Variants in NRXN1 observed in about 807,000 individuals in gnomAD.
NRXN1 encodes the protein neurexin-1.
In NRXN1, 39 loss-of-function variants were observed where a neutral mutation model predicts 150.9. That is an observed-to-expected ratio of 0.26 (90% confidence interval 0.20 to 0.34). NRXN1 has a LOEUF of 0.34. Among genes scored for constraint, NRXN1 ranks in the 10% least tolerant of loss-of-function variants. The probability of loss-of-function intolerance (pLI) is 1.00; values close to 1 mark genes in which losing one functional copy is unlikely to be tolerated. For synonymous variants in NRXN1, 924 were observed against 757.0 expected, an observed-to-expected ratio of 1.22 and a Z score of -3.62; for missense variants, 1,815 against 1,949.9, an observed-to-expected ratio of 0.93 and a Z score of 1.30.
intron 17 of NRXN1, among the ~76,000 whole-genome samples, chr2:50,336,474 T>C (rs1160164886): frequency 6.6e-6 from 1 of 152,214 alleles, no homozygotes; most frequent in African/African-American, 2.4e-5. Context: ...CTCAAATAAG[T>C]TTATTAATTG....
At chr2:50,719,028 T>C (rs1401978419) in intron 5 of NRXN1, among the ~76,000 whole-genome samples, 1 of 150,378 alleles carries the variant, frequency 6.6e-6, no homozygotes, top group Non-Finnish European at 1.5e-5. Flanking sequence ...AAATACATAA[T>C]ATAAAAGTAA....
chr2:50,217,242 C>T (rs2063464297), intron 18 of NRXN1, among the ~76,000 whole-genome samples: 1 of 152,072 alleles, frequency 6.6e-6, no homozygotes, highest in East Asian at 1.9e-4. Context: ...ATAAAATTTG[C>T]TATTATTAAG....
At chr2:50,721,147 C>A (rs1289789581) in intron 5 of NRXN1, among the ~76,000 whole-genome samples, 1 of 152,112 alleles carries the variant, frequency 6.6e-6, no homozygotes, top group Non-Finnish European at 1.5e-5. Flanking sequence ...GGAGTGGACT[C>A]TTCGGCTTCC....
intron 5 of NRXN1, among the ~76,000 whole-genome samples, chr2:50,830,922 C>T (rs908173991): frequency 2.6e-5 from 4 of 151,838 alleles, no homozygotes; most frequent in African/African-American, 9.7e-5. Flanking sequence ...CGTAGCAGCG[C>T]TATTTATTTG....
intron 17 of NRXN1, among the ~76,000 whole-genome samples, chr2:50,269,073 G>A (rs2069245243): frequency 6.6e-6 from 1 of 151,958 alleles, no homozygotes; most frequent in African/African-American, 2.4e-5. Flanking sequence ...GCCAACTAGT[G>A]CAGAACCCTC....
intron 5 of NRXN1, among the ~76,000 whole-genome samples, chr2:50,695,051 T>C (rs1692619286): frequency 6.6e-6 from 1 of 152,134 alleles, no homozygotes; most frequent in African/African-American, 2.4e-5. Flanking sequence ...TCCAGTTTCC[T>C]AGGCTTAATT....
intron 2 of NRXN1, among the ~76,000 whole-genome samples, chr2:51,006,810 A>T (rs906406064): frequency 6.6e-6 from 1 of 151,804 alleles, no homozygotes; most frequent in South Asian, 2.1e-4. Flanking sequence ...TCTTCTCCCT[A>T]TGTTCCCTTA....
At chr2:50,941,119 CTT>C (rs1268406927) in intron 2 of NRXN1, among the ~76,000 whole-genome samples, 1 of 152,100 alleles carries the variant, frequency 6.6e-6, no homozygotes, top group African/African-American at 2.4e-5. Flanking sequence ...CTCTCTCTCT[CTT>C]CTGCCATCAT....
At chr2:49,925,528 A>C (rs1668960680) in intron 22 of NRXN1, among the ~76,000 whole-genome samples, 1 of 152,122 alleles carries the variant, frequency 6.6e-6, no homozygotes, top group Non-Finnish European at 1.5e-5. Context: ...TAATTTGTTC[A>C]AAATTTATAT....
intron 18 of NRXN1, among the ~76,000 whole-genome samples, chr2:50,159,879 C>T (rs1214259278): frequency 6.6e-6 from 1 of 151,948 alleles, no homozygotes; most frequent in African/African-American, 2.4e-5. Context: ...CATAATTATG[C>T]TGTGGAAGAA....
intron 2 of NRXN1, among the ~76,000 whole-genome samples, chr2:50,951,332 G>T (rs77523081): frequency 6.6e-6 from 1 of 152,212 alleles, no homozygotes; most frequent in African/African-American, 2.4e-5. Flanking sequence ...GTGGGTAGGG[G>T]TTGGGGTACT....
chr2:50,482,586 T>C (rs13409894), intron 15 of NRXN1, among the ~76,000 whole-genome samples: 8,347 of 152,208 alleles, frequency 0.055, 800 homozygotes, highest in African/African-American at 0.19. Flanking sequence ...TGCTGTACCT[T>C]ACACATGCAT....
In NRXN1 at chr2:50,647,208, T is replaced by C. The variant is rs1193715623; in HGVS notation, c.833-23593A>G. On this transcript the variant is annotated intron_variant, in intron 5 of 22. Transcript: ENST00000401669. ...CTTGAAGAAGAAAAAAAGCGGAAAC[T>C]TACAGATAGTAGGCCCAGGGAAAAT... 2.0e-5 allele frequency among the ~76,000 whole-genome samples: 3 copies of C among 151,956 alleles called. No individual in the cohort carries two copies. In the East Asian group the frequency reaches 5.8e-4, roughly 30 times the overall value.
At chr2:50,606,989 C>G (rs970718005) in intron 8 of NRXN1, among the ~76,000 whole-genome samples, 1 of 151,908 alleles carries the variant, frequency 6.6e-6, no homozygotes, top group South Asian at 2.1e-4. Flanking sequence ...TCTGGGTGGA[C>G]AGTAGGGGTG....
chr2:50,886,923 A>G (rs1387567195), intron 5 of NRXN1, among the ~76,000 whole-genome samples: 1 of 151,436 alleles, frequency 6.6e-6, no homozygotes, highest in Admixed American at 6.6e-5. Flanking sequence ...TAAGCACATC[A>G]CTGGCCTTAT....
chr2:50,570,647 A>T (rs1293306008), intron 8 of NRXN1, among the ~76,000 whole-genome samples: 1 of 152,088 alleles, frequency 6.6e-6, no homozygotes, highest in Non-Finnish European at 1.5e-5. Context: ...TCAAATAAGG[A>T]ATTAGATATG....
intron 17 of NRXN1, among the ~76,000 whole-genome samples, chr2:50,305,749 A>G (rs1024766279): frequency 6.6e-6 from 1 of 152,222 alleles, no homozygotes; most frequent in African/African-American, 2.4e-5. Context: ...CAAAAATTCA[A>G]ATTGCTTTTC....
intron 5 of NRXN1, among the ~76,000 whole-genome samples, chr2:50,753,243 GA>G (rs1700805817): frequency 1.3e-5 from 2 of 151,846 alleles, no homozygotes; most frequent in Admixed American, 1.3e-4. Context: ...ATTGTAGAAT[GA>G]AAATAAGATA....
chr2:50,110,447 G>C (rs147840635), intron 18 of NRXN1, among the ~76,000 whole-genome samples: 1 of 144,132 alleles, frequency 6.9e-6, no homozygotes. Context: ...AGCTGAGATC[G>C]CGCCACCGCA....
Sources: gnomAD v4.1 joint callset for allele counts (sites outside exome capture counted in the v4.1 genomes callset) on GRCh38, gnomAD v4.1.1 for gene constraint, MANE v1.5 for transcripts, NCBI Gene and HGNC (gene_info 2026-07-23, HGNC 2026-07-21) for gene names.